Variants in NIPAL3 observed in about 807,000 individuals in gnomAD.
NIPAL3 encodes NIPA like domain containing 3, also known as NIPA-like protein 3.
NIPAL3 carries 41 observed loss-of-function variants against 47.2 expected under a neutral mutation model. The observed-to-expected ratio is 0.87, with a 90% CI of 0.68 to 1.13. The LOEUF is 1.13. Among genes scored for constraint, NIPAL3 ranks in the 50% most tolerant of loss-of-function variants. NIPAL3 has a pLI of 0.00. For synonymous variants in NIPAL3, 194 were observed against 209.6 expected, an observed-to-expected ratio of 0.93 and a Z score of 0.64; for missense variants, 449 against 530.1, an observed-to-expected ratio of 0.85 and a Z score of 1.50.
Position 24,416,713 on chromosome 1 carries a change from C to A in NIPAL3, c.-258+809C>A, listed in dbSNP as rs1017857610. ...CTTCGAAATCAGGAAAAGAGAGTCA[C>A]CAGGTGAAAAGTATGTGTCTTATAA... is the stretch of plus-strand genomic sequence containing the variant. On this transcript the variant is annotated intron_variant, in intron 1 of 11. Transcript: ENST00000374399. This position sits in a 1 kb window ranked among gnomAD's most constrained non-coding sequence, Gnocchi z 4.8. The A allele has an allele frequency of 6.6e-6, 1 of 152,078 alleles. No homozygotes were observed. Among genetic ancestry groups the A allele is most frequent in the South Asian group, 2.1e-4 (1 of 4,816 alleles). 9.4% of individuals were successfully genotyped at this position (152,078 alleles called of 1,614,324 possible).
At chr1:24,441,858 T>C (rs997176219) in intron 3 of NIPAL3, among the ~76,000 whole-genome samples, 197 bp from the exon 4 acceptor site, 3 of 152,156 alleles carry the variant, frequency 2.0e-5, no homozygotes, top group African/African-American at 7.2e-5. Context: ...CCCAGCCTGT[T>C]GGAGAGCTAC....
In NIPAL3 at chr1:24,438,550, G is replaced by C. The variant is rs532780608; in HGVS notation, c.94-1622G>C. ...AGCCCCGCGATCTAGGAGAGGGCAGGGGGGAGGGTTGACTTCACTGTTACT... is the reference window on the plus strand; with the variant it reads ...AGCCCCGCGATCTAGGAGAGGGCAGCGGGGAGGGTTGACTTCACTGTTACT... On this transcript the variant is annotated intron_variant, in intron 2 of 11. Coordinates refer to ENST00000374399, the MANE Select transcript of NIPAL3 (RefSeq NM_020448.5). Among the ~76,000 whole-genome samples the C allele has an allele frequency of 1.1e-4, 17 of 152,366 alleles. No individual in the cohort carries two copies. In the South Asian group the frequency reaches 1.7e-3, roughly 15 times the overall value.
At chr1:24,455,678 A>G (rs1340388831) in intron 7 of NIPAL3, among the ~76,000 whole-genome samples, 2 of 151,858 alleles carry the variant, frequency 1.3e-5, no homozygotes, top group Non-Finnish European at 1.5e-5. Flanking sequence ...AAAAAAATAC[A>G]ACAACAACAA....
rs1057146708 is a variant in NIPAL3 at position 24,472,856 on chromosome 1, C to A, written c.*3671C>A. 6.6e-6 allele frequency: 1 copy of A among 151,826 alleles called. No individual in the cohort carries two copies. The highest frequency in any genetic ancestry group is 2.4e-5 in the African/African-American group (1 of 41,304). 9.4% of individuals were successfully genotyped at this position (151,826 alleles called of 1,614,324 possible). A position where few individuals can be genotyped will look rare whatever the true frequency, so the allele number is the denominator to read the frequency against. On this transcript the variant is annotated 3_prime_UTR_variant, in exon 12 of 12. Coordinates refer to ENST00000374399, the MANE Select transcript of NIPAL3 (RefSeq NM_020448.5). ...AAATGAAGTCACCTTAGAATATATT[C>A]TGTGCGGATGCTTATATTTTGTTAA...
rs1570162839 is a variant in NIPAL3, at chr1:24,419,730, T to C, written c.93+90T>C. ...CATTGGCTAACAGATATGTATGGGG[T>C]CTGCATGCCTGTCACTGGTAGAAAC... On this transcript the variant is annotated intron_variant, in intron 2 of 11. Transcript: ENST00000374399. The C allele has an allele frequency of 3.3e-5, 37 of 1,106,500 alleles. No individual in the cohort carries two copies. In the East Asian group the frequency reaches 9.7e-4, roughly 29 times the overall value. 68.5% of individuals were successfully genotyped at this position (1,106,500 alleles called of 1,614,324 possible). A position where few individuals can be genotyped will look rare whatever the true frequency, so the allele number is the denominator to read the frequency against.
chr1:24,460,615 C>G (rs1482793784), intron 10 of NIPAL3, 71 bp downstream of exon 10: 1 of 1,296,090 alleles, frequency 7.7e-7, no homozygotes, highest in African/African-American at 1.6e-5. Flanking sequence ...CCCTCTCTCT[C>G]CCTTATTGCT....
chr1:24,451,361 A>G lies in NIPAL3; in HGVS notation c.540+1735A>G, dbSNP rs1388298434. 6.6e-6 allele frequency among the ~76,000 whole-genome samples: 1 copy of G among 152,180 alleles called. No individual in the cohort carries two copies. Among genetic ancestry groups the G allele is most frequent in the Non-Finnish European group, 1.5e-5 (1 of 68,032 alleles). On this transcript the variant is annotated intron_variant, in intron 6 of 11. Transcript: ENST00000374399. This position sits in a 1 kb window ranked among gnomAD's most constrained non-coding sequence, Gnocchi z 4.5. ...GGCACCACATATGCACAGCCATCTC[A>G]TGATATAATGTCCAGTGCTATTCCA...
intron 7 of NIPAL3, 112 bp from the exon 8 acceptor site, chr1:24,456,026 T>C (rs777495322): frequency 2.3e-5 from 30 of 1,312,618 alleles, no homozygotes; most frequent in African/African-American, 2.9e-5. Flanking sequence ...ACTCTGTTCC[T>C]GTTCCCTCCC....
chr1:24,447,474 G>A (rs1209417551), intron 5 of NIPAL3, among the ~76,000 whole-genome samples: 1 of 151,996 alleles, frequency 6.6e-6, no homozygotes, highest in Non-Finnish European at 1.5e-5. Flanking sequence ...ATACAGCCAA[G>A]TTTGGGGACC....
chr1:24,427,138 A>G (rs1166745569), intron 2 of NIPAL3, among the ~76,000 whole-genome samples: 2 of 152,194 alleles, frequency 1.3e-5, no homozygotes, highest in African/African-American at 4.8e-5. Context: ...GGAGCTGGCC[A>G]GGCACTACCC....
rs548946192 is a variant in NIPAL3 at position 24,465,740 on chromosome 1, A to T, written c.1021+1620A>T. On this transcript the variant is annotated intron_variant, in intron 11 of 11. Transcript: ENST00000374399. ...CCAAGGCCTCTCATCCTCACTTGTA[A>T]CTGGGATTCCTTCTTTCAGGCTAGT... is the stretch of plus-strand genomic sequence containing the variant. The T allele has an allele frequency of 7.1e-5, 19 of 267,512 alleles. No individual in the cohort carries two copies. In the South Asian group the frequency reaches 1.6e-3, roughly 23 times the overall value. The allele number at this position is 267,512 out of a possible 1,614,324, so 16.6% of individuals were successfully genotyped here.
chr1:24,461,821 A>T (rs1646485840), intron 10 of NIPAL3, among the ~76,000 whole-genome samples: 1 of 152,074 alleles, frequency 6.6e-6, no homozygotes, highest in Non-Finnish European at 1.5e-5. Context: ...GTGAGCTGAG[A>T]TCATGCCATT....
intron 2 of NIPAL3, among the ~76,000 whole-genome samples, chr1:24,423,674 C>T (rs566364219): frequency 1.2e-4 from 19 of 152,226 alleles, no homozygotes; most frequent in East Asian, 7.7e-4. Flanking sequence ...GAGGGCCACA[C>T]GGGACACACC....
intron 2 of NIPAL3, among the ~76,000 whole-genome samples, chr1:24,430,251 CT>C (rs1162142300): frequency 1.1e-4 from 16 of 140,728 alleles, no homozygotes; most frequent in African/African-American, 3.3e-4. Flanking sequence ...TTTTTTTTTC[CT>C]TTTTTTTGAG....
Position 24,440,430 on chromosome 1 carries a change from C to T in NIPAL3, c.162+190C>T, listed in dbSNP as rs150823084. 1.3e-3 allele frequency among the ~76,000 whole-genome samples: 198 copies of T among 152,300 alleles called. 1 individual carries two copies. Among genetic ancestry groups the T allele is most frequent in the Middle Eastern group, 3.4e-3 (1 of 294 alleles). On this transcript the variant is annotated intron_variant, in intron 3 of 11. Coordinates refer to ENST00000374399, the MANE Select transcript of NIPAL3 (RefSeq NM_020448.5). ...CAGTGGCCCCACTCCATCCCGCCCT[C>T]GCCCTCCTAGCCAGGTCCTCACTGT...
Position 24,460,484 on chromosome 1 carries a change from C to G in NIPAL3, c.866C>G (p.Ala289Gly), listed in dbSNP as rs1427447779. ...TTTCTATGATTTGCTGCTGCAGGTG[C>G]AATATTTTACCTGGACTTCATCGGG... The part of the protein sequence containing the change: ...LSTTIAITAG[A>G]IFYLDFIGED... Residue 289 changes from alanine to glycine, a missense_variant, in exon 10 of 12, where the codon GCA becomes GGA. Transcript: ENST00000374399. 3.1e-6 allele frequency: 5 copies of G among 1,587,308 alleles called. No homozygotes were observed. In the Admixed American group the frequency reaches 5.4e-5, roughly 17 times the overall value.
intron 8 of NIPAL3, among the ~76,000 whole-genome samples, chr1:24,456,487 A>G (rs1033509029): frequency 1.3e-5 from 2 of 152,184 alleles, no homozygotes; most frequent in Non-Finnish European, 2.9e-5. Flanking sequence ...TCAGTGACCC[A>G]CGCCTGTAAT....
intron 2 of NIPAL3, among the ~76,000 whole-genome samples, chr1:24,436,633 C>T (rs1257702119): frequency 6.6e-6 from 1 of 150,474 alleles, no homozygotes; most frequent in African/African-American, 2.5e-5. Flanking sequence ...GGATTATAGG[C>T]GCCCACCACC....
rs115418552 is a variant in NIPAL3, at chr1:24,453,746, T to C, written c.637+242T>C. ...AGCACTAAACAACTAGCCAAATTCA[T>C]AGGTCATGTAAGTTTGGGCAATAAC... On this transcript the variant is annotated intron_variant, in intron 7 of 11. Coordinates refer to ENST00000374399, the MANE Select transcript of NIPAL3 (RefSeq NM_020448.5). Among the ~76,000 whole-genome samples, 205 of 152,200 alleles carry C rather than the reference T, an allele frequency of 1.3e-3. 1 individual carries two copies. The highest frequency in any genetic ancestry group is 4.7e-3 in the African/African-American group (194 of 41,520).
Sources: allele counts gnomAD v4.1 joint callset (sites outside exome capture counted in the v4.1 genomes callset), GRCh38; gene constraint gnomAD v4.1.1; non-coding constraint Gnocchi (gnomAD v3.1); transcripts MANE v1.5; gene names NCBI Gene and HGNC (gene_info 2026-07-23, HGNC 2026-07-21).